The following TEX10 variants were observed in gnomAD, a reference collection of about 807,000 sequenced individuals.
TEX10 encodes testis expressed 10, also known as testis-expressed protein 10.
In TEX10, 24 loss-of-function variants were observed where a neutral mutation model predicts 104.4. The ratio of observed to expected loss-of-function variants is 0.23; its 90% CI spans 0.17 to 0.32. The LOEUF (loss-of-function observed/expected upper bound fraction) is 0.32, where lower values mean the gene tolerates loss of function less well. Ranked by LOEUF, TEX10 falls within the 10% of genes least tolerant of loss-of-function variation. The pLI, the probability that TEX10 is intolerant of heterozygous loss-of-function variation, is 1.00. For synonymous variants in TEX10, 396 were observed against 393.4 expected, an observed-to-expected ratio of 1.01 and a Z score of -0.08; for missense variants, 921 against 1,083.9, an observed-to-expected ratio of 0.85 and a Z score of 2.11.
chr9:100,335,429 C>T (rs925496985), intron 5 of TEX10, among the ~76,000 whole-genome samples: 1 of 152,056 alleles, frequency 6.6e-6, no homozygotes, highest in Non-Finnish European at 1.5e-5. Flanking sequence ...TCTAGGTCTC[C>T]TGACCTCATG....
intron 11 of TEX10, among the ~76,000 whole-genome samples, chr9:100,317,293 A>G (rs1180560246): frequency 6.6e-6 from 1 of 152,200 alleles, no homozygotes; most frequent in African/African-American, 2.4e-5. Context: ...TGCTATAAAA[A>G]CAGATGCATG....
chr9:100,347,173 A>G lies in TEX10; in HGVS notation c.414T>C (p.Phe138=), dbSNP rs1321231532. Residue 138 remains phenylalanine (F), a synonymous_variant, in exon 3 of 15, where the codon TTT becomes TTC. Coordinates refer to ENST00000374902, the MANE Select transcript of TEX10 (RefSeq NM_017746.4). ...KIRAEQISPF[F]PLVSAHLSSA... is the part of the protein sequence containing the mutation. ...TAGAGAGATGGGCACTTACCAAAGGAAAAAATGGAGAAATTTGTTCAGCTC... is the reference window on the plus strand; with the variant it reads ...TAGAGAGATGGGCACTTACCAAAGGGAAAAATGGAGAAATTTGTTCAGCTC... The G allele has an allele frequency of 8.7e-5, 140 of 1,613,952 alleles. No individual in the cohort carries two copies. Among genetic ancestry groups the G allele is most frequent in the Non-Finnish European group, 1.2e-4 (140 of 1,179,950 alleles).
chr9:100,312,810 T>C (rs1834312520), intron 11 of TEX10, among the ~76,000 whole-genome samples: 1 of 151,996 alleles, frequency 6.6e-6, no homozygotes, highest in Non-Finnish European at 1.5e-5. Flanking sequence ...AAACCTAAAA[T>C]AAACGTAAGA....
chr9:100,331,910 A>G (rs1349622648), intron 5 of TEX10, among the ~76,000 whole-genome samples: 2 of 152,222 alleles, frequency 1.3e-5, no homozygotes, highest in African/African-American at 4.8e-5. Context: ...ATATGCTTAA[A>G]TATATACAAA....
intron 4 of TEX10, among the ~76,000 whole-genome samples, chr9:100,342,059 A>T (rs1438181341): frequency 6.6e-6 from 1 of 152,082 alleles, no homozygotes; most frequent in Admixed American, 6.5e-5. Flanking sequence ...TTCTCCCAGT[A>T]CCTCATTTGC....
At position 100,327,930 on chromosome 9, in the gene TEX10, G is replaced by A. The variant is rs1834749326; in HGVS notation, c.1658C>T (p.Ala553Val). Residue 553 changes from alanine (A) to valine (V), a missense_variant, in exon 8 of 15, where the codon GCT (alanine) becomes GTT (valine). By Grantham distance (64) the Ala-to-Val change is moderately conservative. This residue lies in a region of TEX10 where 753 missense variants were observed against 868.4 expected (regional missense o/e 0.87). Coordinates refer to ENST00000374902, the MANE Select transcript of TEX10 (RefSeq NM_017746.4). ...YRSKVLSRWL[A>V]GLPLQLAHLG... ...ATGAGCAAGTTGCAATGGTAAGCCA[G>A]CCAGCCAACGGGATAACACTTTACT... The A allele has an allele frequency of 6.3e-7, 1 of 1,594,388 alleles. No homozygotes were observed. The highest frequency in any genetic ancestry group is 8.6e-7 in the Non-Finnish European group (1 of 1,167,030).
At chr9:100,327,411 T>C (rs1242419717) in intron 8 of TEX10, among the ~76,000 whole-genome samples, 3 of 151,464 alleles carry the variant, frequency 2.0e-5, no homozygotes, top group Non-Finnish European at 2.9e-5. Flanking sequence ...ATTAGTTAAG[T>C]CAGTCCTAGA....
intron 3 of TEX10, 101 bp downstream of exon 3, chr9:100,346,593 A>G (rs1835304182): frequency 5.5e-6 from 7 of 1,276,214 alleles, no homozygotes; most frequent in Middle Eastern, 1.9e-4. Flanking sequence ...TATGAAAACT[A>G]TGAAAGACAA....
At position 100,310,514 on chromosome 9, in the gene TEX10, C is replaced by G. The variant is rs144423164; in HGVS notation, c.2203-135G>C. The stretch of plus-strand genomic sequence containing the variant: ...AGTGCAGTGATGCAGTCTCAGCTCA[C>G]CGCAACCCCCGTGACCTGGCTCAAG... On this transcript the variant is annotated intron_variant, in intron 11 of 14. Coordinates refer to ENST00000374902, the MANE Select transcript of TEX10 (RefSeq NM_017746.4). 86 of 743,760 alleles carry G rather than the reference C, an allele frequency of 1.2e-4. No homozygotes were observed. In the East Asian group the frequency reaches 2.4e-3, roughly 21 times the overall value. The allele number at this position is 743,760 out of a possible 1,614,324, so 46.1% of individuals were successfully genotyped here. A position where few individuals can be genotyped will look rare whatever the true frequency, so the allele number is the denominator to read the frequency against.
chr9:100,332,575 A>G (rs746814254), intron 5 of TEX10, among the ~76,000 whole-genome samples: 1 of 151,838 alleles, frequency 6.6e-6, no homozygotes, highest in Non-Finnish European at 1.5e-5. Flanking sequence ...TAATCCCAAC[A>G]CTCTGGGAGG....
At chr9:100,326,754 GAA>G (rs1349779363) in intron 8 of TEX10, among the ~76,000 whole-genome samples, 2 of 152,056 alleles carry the variant, frequency 1.3e-5, no homozygotes, top group Non-Finnish European at 2.9e-5. Context: ...GGGTAATAAG[GAA>G]AAGAGATTGA....
chr9:100,335,966 G>A (rs750100080), intron 5 of TEX10, among the ~76,000 whole-genome samples: 21 of 151,760 alleles, frequency 1.4e-4, no homozygotes, highest in African/African-American at 4.1e-4. Flanking sequence ...TCAGGAGTTC[G>A]AGACCAGCCT....
intron 10 of TEX10, 59 bp from the exon 11 acceptor site, chr9:100,320,457 T>C: frequency 6.6e-7 from 1 of 1,511,986 alleles, no homozygotes; most frequent in Non-Finnish European, 8.9e-7. Context: ...AACAATGACT[T>C]TCTTAAAAAA....
chr9:100,335,734 CTT>C (rs990826760), intron 5 of TEX10, among the ~76,000 whole-genome samples: 1 of 144,864 alleles, frequency 6.9e-6, no homozygotes, highest in Admixed American at 6.9e-5. Flanking sequence ...AAAGCATGTC[CTT>C]TTTTTTTTTG....
intron 8 of TEX10, 137 bp from the exon 9 acceptor site, chr9:100,326,616 A>C: frequency 1.2e-6 from 1 of 816,480 alleles, no homozygotes; most frequent in Non-Finnish European, 1.8e-6. Context: ...ATTACATAAA[A>C]GCATAATTAT....
chr9:100,313,521 AAAAAAAG>A (rs887099825), intron 11 of TEX10, among the ~76,000 whole-genome samples: 6 of 151,700 alleles, frequency 4.0e-5, no homozygotes, highest in Non-Finnish European at 1.5e-5. Context: ...GTCAAAAAAA[AAAAAAAG>A]AAAAAGAAAA....
intron 2 of TEX10, 71 bp from the exon 3 acceptor site, chr9:100,347,477 T>C: frequency 8.2e-7 from 1 of 1,224,422 alleles, no homozygotes; most frequent in Non-Finnish European, 1.1e-6. Flanking sequence ...ACATGCTAAC[T>C]AACACTACAC....
Position 100,313,972 on chromosome 9 carries a change from C to T in TEX10, c.2203-3593G>A, listed in dbSNP as rs1025914973. On this transcript the variant is annotated intron_variant, in intron 11 of 14. Coordinates refer to ENST00000374902, the MANE Select transcript of TEX10 (RefSeq NM_017746.4). Reference sequence around the variant, plus strand: ...TGAATTAAGGAGAATTCCCTCTTCCCTCCTTGATTTTTGGAAACAATTTCA... The same window carrying T: ...TGAATTAAGGAGAATTCCCTCTTCCTTCCTTGATTTTTGGAAACAATTTCA... Among the ~76,000 whole-genome samples the T allele has an allele frequency of 5.9e-5, 9 of 152,256 alleles. No individual in the cohort carries two copies. The South Asian group carries it at 1.2e-3, about 21-fold the overall frequency.
At chr9:100,350,678 T>C (rs1052063486) in intron 1 of TEX10, among the ~76,000 whole-genome samples, 5 of 152,078 alleles carry the variant, frequency 3.3e-5, no homozygotes, top group African/African-American at 1.2e-4. Flanking sequence ...ATGCTACACA[T>C]GAGGGTATAA....
Sources: gnomAD v4.1 joint callset for allele counts (sites outside exome capture counted in the v4.1 genomes callset) on GRCh38, gnomAD v4.1.1 for gene constraint, gnomAD v4.1.1 regional missense constraint, MANE v1.5 for transcripts, NCBI Gene and HGNC (gene_info 2026-07-23, HGNC 2026-07-21) for gene names.